Variants in NLGN1 observed in about 807,000 individuals in gnomAD.
NLGN1 encodes neuroligin 1, also known as neuroligin-1.
A neutral mutation model predicts 65.5 loss-of-function variants in NLGN1; 12 were observed. The ratio of observed to expected loss-of-function variants is 0.18; its 90% CI spans 0.12 to 0.30. NLGN1 has a LOEUF of 0.30. Ranked by LOEUF, NLGN1 falls within the 10% of genes least tolerant of loss-of-function variation. NLGN1 has a pLI of 1.00. For missense variants in NLGN1, 750 were observed against 1,007.1 expected (o/e 0.74, Z 3.46); for synonymous variants, 350 against 359.5 (o/e 0.97, Z 0.30).
chr3:173,726,418 A>G (rs995055645), intron 3 of NLGN1, among the ~76,000 whole-genome samples: 5 of 152,056 alleles, frequency 3.3e-5, no homozygotes, highest in Admixed American at 3.3e-4. Context: ...CTGTACCAGT[A>G]TCTTTCCATC....
intron 4 of NLGN1, among the ~76,000 whole-genome samples, chr3:173,973,923 A>G (rs1034810355): frequency 1.8e-4 from 28 of 152,014 alleles, no homozygotes; most frequent in Non-Finnish European, 1.9e-4. Flanking sequence ...CCTAATGACT[A>G]CACCTTGAGA....
At chr3:173,735,554 A>G (rs1194460299) in intron 3 of NLGN1, among the ~76,000 whole-genome samples, 1 of 152,188 alleles carries the variant, frequency 6.6e-6, no homozygotes, top group African/African-American at 2.4e-5. Context: ...TTCTTCTGCA[A>G]CATAGAAAGC....
intron 4 of NLGN1, among the ~76,000 whole-genome samples, chr3:174,010,731 C>T (rs1725367654): frequency 1.3e-5 from 2 of 152,244 alleles, no homozygotes; most frequent in South Asian, 4.1e-4. Context: ...TTTCTTGTCT[C>T]TGCATGAAAA....
chr3:173,777,371 T>G (rs1780454635), intron 3 of NLGN1, among the ~76,000 whole-genome samples: 1 of 151,888 alleles, frequency 6.6e-6, no homozygotes, highest in African/African-American at 2.4e-5. Context: ...CTTTTTTGTT[T>G]GTTTTATCTT....
intron 3 of NLGN1, among the ~76,000 whole-genome samples, chr3:173,679,265 A>C (rs1300386551): frequency 6.6e-6 from 1 of 152,098 alleles, no homozygotes; most frequent in African/African-American, 2.4e-5. Context: ...AAAATGAAAA[A>C]AAAAGATGAA....
At chr3:173,735,859 T>C (rs1313325025) in intron 3 of NLGN1, among the ~76,000 whole-genome samples, 1 of 152,104 alleles carries the variant, frequency 6.6e-6, no homozygotes, top group East Asian at 1.9e-4. Context: ...TGCATATAAA[T>C]ATTATTTTTC....
At chr3:174,102,816 T>A (rs1002502134) in intron 4 of NLGN1, among the ~76,000 whole-genome samples, 1 of 151,388 alleles carries the variant, frequency 6.6e-6, no homozygotes, top group Non-Finnish European at 1.5e-5. Context: ...CAATAGTCTA[T>A]TAGATTCGCC....
intron 1 of NLGN1, among the ~76,000 whole-genome samples, chr3:173,428,324 G>A (rs1716527349): frequency 6.6e-6 from 1 of 151,418 alleles, no homozygotes; most frequent in African/African-American, 2.4e-5. Flanking sequence ...TTTTGTTTCT[G>A]ATTTTCTGGT....
At chr3:174,005,182 A>C (rs1310202028) in intron 4 of NLGN1, among the ~76,000 whole-genome samples, 1 of 152,144 alleles carries the variant, frequency 6.6e-6, no homozygotes, top group Non-Finnish European at 1.5e-5. Flanking sequence ...TTGATGAACA[A>C]ACTGGGATAT....
chr3:174,196,169 A>T (rs886193602), intron 4 of NLGN1, among the ~76,000 whole-genome samples: 5 of 152,198 alleles, frequency 3.3e-5, no homozygotes, highest in African/African-American at 1.2e-4. Context: ...AATTTTATTC[A>T]CAAATGCCTA....
At chr3:174,054,054 A>G (rs958774238) in intron 4 of NLGN1, among the ~76,000 whole-genome samples, 2 of 152,056 alleles carry the variant, frequency 1.3e-5, no homozygotes, top group South Asian at 2.1e-4. Context: ...TTTTAAGGAC[A>G]TAACAACAGT....
chr3:173,724,241 A>G (rs7635031), intron 3 of NLGN1, among the ~76,000 whole-genome samples: 127,478 of 152,172 alleles, frequency 0.84, 53,591 homozygotes, highest in East Asian at 1. Flanking sequence ...AAACAGGATG[A>G]CATCACCTAC....
intron 4 of NLGN1, among the ~76,000 whole-genome samples, chr3:173,809,505 A>G (rs1029621168): frequency 1.3e-5 from 2 of 152,210 alleles, no homozygotes; most frequent in African/African-American, 4.8e-5. Context: ...TTAAATTGAA[A>G]TGCTAAATTA....
rs1042206104 is a variant in NLGN1 at position 174,095,845 on chromosome 3, C to G, written c.647-179470C>G. Among the ~76,000 whole-genome samples, 6 of 151,736 alleles carry G rather than the reference C, an allele frequency of 4.0e-5. No individual in the cohort carries two copies. In the South Asian group the frequency reaches 1.2e-3, roughly 32 times the overall value. On this transcript the variant is annotated intron_variant, in intron 4 of 6. Transcript: ENST00000457714. ...TGAAACCCCATCTCTACTAAAAATA[C>G]AAAAATTAGCTGGATGTGGTGGCAT... is the stretch of plus-strand genomic sequence containing the variant.
At chr3:174,100,555 C>A (rs151245225) in intron 4 of NLGN1, among the ~76,000 whole-genome samples, 1 of 151,952 alleles carries the variant, frequency 6.6e-6, no homozygotes, top group African/African-American at 2.4e-5. Context: ...GATGTATAAC[C>A]CAACTTCTCC....
chr3:173,673,396 T>G (rs1762712065), intron 3 of NLGN1, among the ~76,000 whole-genome samples: 1 of 152,206 alleles, frequency 6.6e-6, no homozygotes, highest in African/African-American at 2.4e-5. Context: ...GCATTTATTC[T>G]GAAATCAGTA....
At chr3:174,284,430 A>G (rs1335195895) in exon 7 of NLGN1, 2 of 151,484 alleles carry the variant, frequency 1.3e-5, no homozygotes, top group Non-Finnish European at 3.0e-5. Context: ...TTGAAAAACA[A>G]TGTAAGTAAC....
At chr3:173,952,812 T>C (rs191505347) in intron 4 of NLGN1, among the ~76,000 whole-genome samples, 2 of 151,666 alleles carry the variant, frequency 1.3e-5, no homozygotes, top group Non-Finnish European at 1.5e-5. Flanking sequence ...GTTTTCACTC[T>C]TGTCACCCAG....
At chr3:173,516,335 AGCTC>A (rs1733809657) in intron 2 of NLGN1, among the ~76,000 whole-genome samples, 1 of 152,048 alleles carries the variant, frequency 6.6e-6, no homozygotes, top group African/African-American at 2.4e-5. Context: ...CTTGAGTTCT[AGCTC>A]CACCTTTTCA....
Sources: gnomAD v4.1 joint callset for allele counts (sites outside exome capture counted in the v4.1 genomes callset) on GRCh38, gnomAD v4.1.1 for gene constraint, MANE v1.5 for transcripts, NCBI Gene and HGNC (gene_info 2026-07-23, HGNC 2026-07-21) for gene names.